The following FER variants were observed in gnomAD, a reference collection of about 807,000 sequenced individuals.
The protein encoded by FER is tyrosine-protein kinase Fer.
Under a neutral mutation model 111.0 loss-of-function variants are expected in FER, and 63 were observed. The ratio of observed to expected loss-of-function variants is 0.57; its 90% CI spans 0.46 to 0.70. The LOEUF is 0.70. Among genes scored for constraint, FER ranks in the 30% least tolerant of loss-of-function variants. FER has a pLI of 0.00. For missense variants in FER, 914 were observed against 954.0 expected (o/e 0.96, Z 0.55); for synonymous variants, 327 against 313.9 (o/e 1.04, Z -0.44).
chr5:108,864,561 C>A (rs1307398874), intron 5 of FER, among the ~76,000 whole-genome samples: 1 of 152,176 alleles, frequency 6.6e-6, no homozygotes, highest in Non-Finnish European at 1.5e-5. Flanking sequence ...GTTTCTGTTT[C>A]AGCTTTCTAC....
intron 9 of FER, among the ~76,000 whole-genome samples, chr5:108,890,258 A>G (rs764735552): frequency 4.6e-5 from 7 of 151,986 alleles, no homozygotes; most frequent in Non-Finnish European, 2.9e-5. Flanking sequence ...ATTCCTTTTT[A>G]CTGTTGAGTA....
At chr5:109,166,424 G>T (rs1048715106) in intron 17 of FER, among the ~76,000 whole-genome samples, 6 of 152,082 alleles carry the variant, frequency 3.9e-5, no homozygotes, top group Non-Finnish European at 8.8e-5. Context: ...AATTAGCTCT[G>T]CTCCCTCCCT....
At chr5:108,755,578 C>T (rs13154354) in intron 1 of FER, among the ~76,000 whole-genome samples, 20,902 of 151,972 alleles carry the variant, frequency 0.14, 1,621 homozygotes, top group Non-Finnish European at 0.19. Context: ...CTCCACCTCC[C>T]GGGTTCAAGC....
chr5:109,026,257 A>G (rs779641894), intron 13 of FER, among the ~76,000 whole-genome samples: 21 of 152,218 alleles, frequency 1.4e-4, no homozygotes, highest in Non-Finnish European at 2.5e-4. Context: ...AAATATAATG[A>G]AATATTTTCT....
At chr5:108,754,406 C>CAAAAA (rs34475850) in intron 1 of FER, among the ~76,000 whole-genome samples, 3 of 86,536 alleles carry the variant, frequency 3.5e-5, no homozygotes, top group Non-Finnish European at 6.8e-5. Flanking sequence ...GTCCCTGTCT[C>CAAAAA]AAAAAAAAAA....
Position 109,100,535 on chromosome 5 carries a change from T to A in FER, c.2048+16T>A. The A allele has an allele frequency of 1.3e-6, 2 of 1,589,358 alleles. No individual in the cohort carries two copies. Among genetic ancestry groups the A allele is most frequent in the South Asian group, 2.3e-5 (2 of 87,736 alleles). On this transcript the variant is annotated intron_variant, in intron 17 of 19. Transcript: ENST00000281092. ...GTATACACAGGTAAGGAGAACATTT[T>A]TAAAGCAATTTTTGGTTTTATTAAT... is the stretch of plus-strand genomic sequence containing the variant.
intron 5 of FER, among the ~76,000 whole-genome samples, chr5:108,845,021 T>TATATATATATATGTATATAC (rs1761811054): frequency 1.9e-5 from 1 of 52,730 alleles, no homozygotes; most frequent in African/African-American, 6.5e-5. Flanking sequence ...TATATATATA[T>TATATATATATATGTATATAC]ATATATATAT....
At chr5:109,178,621 A>G (rs1299670624) in intron 17 of FER, among the ~76,000 whole-genome samples, 1 of 152,184 alleles carries the variant, frequency 6.6e-6, no homozygotes, top group Non-Finnish European at 1.5e-5. Context: ...TTGACTATAC[A>G]TATGTGGGTC....
chr5:109,083,334 G>A (rs1049117077), intron 16 of FER, among the ~76,000 whole-genome samples: 6 of 151,952 alleles, frequency 3.9e-5, no homozygotes, highest in Non-Finnish European at 5.9e-5. Context: ...ATATTGAAAA[G>A]AAGATTAAGC....
intron 5 of FER, among the ~76,000 whole-genome samples, chr5:108,856,781 A>G (rs28637651): frequency 0.42 from 63,169 of 151,616 alleles, 14,734 homozygotes; most frequent in African/African-American, 0.63. Context: ...TTTCAGTGTG[A>G]CTTCTTTGTG....
chr5:108,999,434 A>G (rs1171512755), intron 13 of FER, among the ~76,000 whole-genome samples: 7 of 152,162 alleles, frequency 4.6e-5, no homozygotes, highest in Admixed American at 6.5e-5. Flanking sequence ...CAATTCATAC[A>G]TTTTTCTTTA....
At chr5:108,782,445 C>T (rs976212378) in intron 2 of FER, among the ~76,000 whole-genome samples, 4 of 152,104 alleles carry the variant, frequency 2.6e-5, no homozygotes, top group African/African-American at 9.7e-5. Flanking sequence ...ATCTTGTTCA[C>T]ATGAGCAAAA....
chr5:108,797,036 G>A (rs924798848), intron 2 of FER, among the ~76,000 whole-genome samples: 7 of 151,980 alleles, frequency 4.6e-5, no homozygotes, highest in Non-Finnish European at 1.0e-4. Flanking sequence ...CGTACTACCC[G>A]GGTATCACTG....
intron 5 of FER, among the ~76,000 whole-genome samples, chr5:108,845,005 T>TAC (rs1561502599): frequency 1.2e-3 from 23 of 19,860 alleles, no homozygotes; most frequent in South Asian, 1.7e-3. Flanking sequence ...TGTATATATA[T>TAC]ATATATATAT....
chr5:109,120,237 G>A (rs927897182), intron 17 of FER, among the ~76,000 whole-genome samples: 5 of 152,102 alleles, frequency 3.3e-5, no homozygotes, highest in African/African-American at 7.2e-5. Context: ...ACAGACTAAA[G>A]TCTTAGAATT....
chr5:109,103,881 T>G (rs1173074838), intron 17 of FER, among the ~76,000 whole-genome samples: 1 of 152,228 alleles, frequency 6.6e-6, no homozygotes, highest in Non-Finnish European at 1.5e-5. Flanking sequence ...TGAATCCTAC[T>G]GCCAAATTTG....
At chr5:109,039,780 C>T (rs1294819211) in intron 14 of FER, among the ~76,000 whole-genome samples, 1 of 152,052 alleles carries the variant, frequency 6.6e-6, no homozygotes, top group African/African-American at 2.4e-5. Context: ...TTACATTGAC[C>T]TTTTAAGTCA....
intron 17 of FER, among the ~76,000 whole-genome samples, chr5:109,165,752 T>C (rs537170266): frequency 6.6e-6 from 1 of 152,264 alleles, no homozygotes; most frequent in Non-Finnish European, 1.5e-5. Flanking sequence ...GTGGTAAACA[T>C]ATGTAACATA....
chr5:109,036,349 T>A (rs1343685787), intron 13 of FER, among the ~76,000 whole-genome samples: 1 of 152,120 alleles, frequency 6.6e-6, no homozygotes, highest in Non-Finnish European at 1.5e-5. Flanking sequence ...TGTCCCTTTG[T>A]TGACCTAACA....
Sources: allele counts gnomAD v4.1 joint callset (sites outside exome capture counted in the v4.1 genomes callset), GRCh38; gene constraint gnomAD v4.1.1; transcripts MANE v1.5; gene names NCBI Gene and HGNC (gene_info 2026-07-23, HGNC 2026-07-21).